PDE1A: variants seen among roughly 807,000 people sequenced by gnomAD.
PDE1A encodes the protein dual specificity calcium/calmodulin-dependent 3',5'-cyclic nucleotide phosphodiesterase 1A.
PDE1A carries 35 observed loss-of-function variants against 61.7 expected under a neutral mutation model. That is an observed-to-expected ratio of 0.57 (90% CI 0.43 to 0.75). PDE1A has a LOEUF of 0.75. PDE1A is among the 30% of genes least tolerant of loss of function. PDE1A has a pLI of 0.00. For missense variants in PDE1A, 597 were observed against 630.6 expected, an observed-to-expected ratio of 0.95 and a Z score of 0.57; for synonymous variants, 232 against 213.2, an observed-to-expected ratio of 1.09 and a Z score of -0.77.
the PDE1A span, among the ~76,000 whole-genome samples, chr2:182,576,614 T>TA: frequency 6.6e-6 from 1 of 152,222 alleles, no homozygotes; most frequent in South Asian, 2.1e-4. Flanking sequence ...ATGGTACTTC[T>TA]AATTTTAATT....
At chr2:182,454,806 C>A (rs1181990325) in intron 2 of PDE1A, among the ~76,000 whole-genome samples, 1 of 151,678 alleles carries the variant, frequency 6.6e-6, no homozygotes, top group African/African-American at 2.4e-5. Context: ...GACCTAAAAC[C>A]ATAAAAACCC....
chr2:182,686,493 G>C, the PDE1A span, among the ~76,000 whole-genome samples: 16 of 152,098 alleles, frequency 1.1e-4, no homozygotes, highest in Non-Finnish European at 2.4e-4. Flanking sequence ...TCCATTTTTG[G>C]TCTGAAATAG....
the PDE1A span, among the ~76,000 whole-genome samples, chr2:182,616,179 A>G: frequency 6.6e-6 from 1 of 152,220 alleles, no homozygotes; most frequent in Admixed American, 6.5e-5. Flanking sequence ...ATAAGGCTTC[A>G]ATCACCTACC....
intron 1 of PDE1A, among the ~76,000 whole-genome samples, chr2:182,357,039 G>T (rs1370077865): frequency 1.3e-5 from 2 of 152,056 alleles, no homozygotes; most frequent in African/African-American, 4.8e-5. Flanking sequence ...TGTGGGGTGT[G>T]GGGAGCGGGG....
Position 182,290,903 on chromosome 2 carries a change from C to T in PDE1A, c.54-26489G>A, listed in dbSNP as rs546934273. Among the ~76,000 whole-genome samples the T allele has an allele frequency of 1.2e-4, 19 of 152,116 alleles. No individual in the cohort carries two copies. The East Asian group carries it at 3.5e-3, about 28-fold the overall frequency. ...AACTTTCCCCCAAATCTGCTCTTAC[C>T]CACCTACACTGAATTTTATATAAAT... is the stretch of plus-strand genomic sequence containing the variant. On this transcript the variant is annotated intron_variant, in intron 1 of 13. Coordinates refer to ENST00000351439, the Ensembl canonical transcript of PDE1A.
At chr2:182,580,451 A>G in the PDE1A span, among the ~76,000 whole-genome samples, 3 of 152,076 alleles carry the variant, frequency 2.0e-5, no homozygotes, top group Admixed American at 6.6e-5. Context: ...TTATAGAGAT[A>G]CTAGTCATAT....
chr2:182,250,168 A>G (rs1223461315), intron 2 of PDE1A, among the ~76,000 whole-genome samples: 1 of 152,078 alleles, frequency 6.6e-6, no homozygotes, highest in African/African-American at 2.4e-5. Context: ...CATTTTCTCT[A>G]TCTCCTCTCT....
the PDE1A span, among the ~76,000 whole-genome samples, chr2:182,640,354 C>T: frequency 6.6e-6 from 1 of 152,140 alleles, no homozygotes; most frequent in Non-Finnish European, 1.5e-5. Flanking sequence ...AGTGAACAAT[C>T]AGAATGTAAA....
chr2:182,375,997 T>A (rs1235773997), intron 1 of PDE1A, among the ~76,000 whole-genome samples: 1 of 152,224 alleles, frequency 6.6e-6, no homozygotes, highest in Non-Finnish European at 1.5e-5. Context: ...GTCCCCAGGC[T>A]GCAAGCAGCA....
chr2:182,227,114 T>C (rs1006633695), intron 6 of PDE1A, among the ~76,000 whole-genome samples: 4 of 152,162 alleles, frequency 2.6e-5, no homozygotes, highest in South Asian at 2.1e-4. Flanking sequence ...TTTCAAAGTT[T>C]CTATTTTTTC....
At chr2:182,621,661 G>T in the PDE1A span, among the ~76,000 whole-genome samples, 12 of 151,522 alleles carry the variant, frequency 7.9e-5, no homozygotes, top group Non-Finnish European at 1.6e-4. Context: ...ATAGTTTTTG[G>T]TTTCCAAAAG....
At chr2:182,351,975 A>G (rs915094163) in intron 1 of PDE1A, among the ~76,000 whole-genome samples, 2 of 152,190 alleles carry the variant, frequency 1.3e-5, no homozygotes, top group East Asian at 1.9e-4. Flanking sequence ...CCCACCTAAA[A>G]TAGAGTCATG....
At chr2:182,212,938 C>T (rs1687778446) in intron 7 of PDE1A, among the ~76,000 whole-genome samples, 1 of 151,380 alleles carries the variant, frequency 6.6e-6, no homozygotes, top group African/African-American at 2.4e-5. Context: ...GCCTGCCTGC[C>T]TCTGTAGGCC....
At chr2:182,415,253 A>T (rs1186628292) in intron 1 of PDE1A, among the ~76,000 whole-genome samples, 1 of 152,192 alleles carries the variant, frequency 6.6e-6, no homozygotes, top group African/African-American at 2.4e-5. Context: ...CAGAAAATAA[A>T]TTCTTGGTAT....
intron 2 of PDE1A, among the ~76,000 whole-genome samples, chr2:182,515,974 G>A (rs1369620105): frequency 6.9e-6 from 1 of 144,630 alleles, no homozygotes; most frequent in Non-Finnish European, 1.5e-5. Context: ...GTGTGTGTGT[G>A]TGTGTGTGTG....
At chr2:182,162,917 G>A (rs540317153), downstream of PDE1A, among the ~76,000 whole-genome samples, 1 of 152,254 alleles carries the variant, frequency 6.6e-6, no homozygotes, top group Admixed American at 6.5e-5. Context: ...CCTAACTAGT[G>A]GGTGAAGATT....
At chr2:182,379,851 G>C (rs1296534820) in intron 1 of PDE1A, among the ~76,000 whole-genome samples, 1 of 152,144 alleles carries the variant, frequency 6.6e-6, no homozygotes, top group East Asian at 1.9e-4. Flanking sequence ...TGATGGTCCA[G>C]GGACTTGGAG....
In PDE1A at chr2:182,478,122, G is replaced by A. The variant is rs563230356; in HGVS notation, c.101+44154C>T. On this transcript the variant is annotated intron_variant, in intron 2 of 14. Coordinates refer to the PDE1A transcript ENST00000410103. ...TACACCAACGTGAAAACGATCCATT[G>A]CTAAACTTTTTTTGTTTCTTTGATG... is the stretch of plus-strand genomic sequence containing the variant. Among the ~76,000 whole-genome samples, 4 of 151,936 alleles carry A rather than the reference G, an allele frequency of 2.6e-5. No homozygotes were observed. In the East Asian group the frequency reaches 5.8e-4, roughly 22 times the overall value.
chr2:182,196,265 C>A (rs1232979172), intron 10 of PDE1A, among the ~76,000 whole-genome samples: 1 of 151,950 alleles, frequency 6.6e-6, no homozygotes, highest in Non-Finnish European at 1.5e-5. Flanking sequence ...GAACTTTCAA[C>A]AGATCTGAAC....
Sources: allele counts gnomAD v4.1 joint callset (sites outside exome capture counted in the v4.1 genomes callset), GRCh38; gene constraint gnomAD v4.1.1; transcripts MANE v1.5; gene names NCBI Gene and HGNC (gene_info 2026-07-23, HGNC 2026-07-21).